Variants in TCF3 observed in about 807,000 individuals in gnomAD.
TCF3 encodes transcription factor E2-alpha.
In TCF3, 54 loss-of-function variants were observed where a neutral mutation model predicts 72.3. The ratio of observed to expected loss-of-function variants is 0.75; its 90% CI spans 0.60 to 0.94. TCF3 has a LOEUF of 0.94. Ranked by LOEUF, TCF3 falls within the 40% of genes least tolerant of loss-of-function variation. TCF3 has a pLI of 0.00. For missense variants in TCF3, 1,078 were observed against 934.4 expected (o/e 1.15, Z -2.00); for synonymous variants, 525 against 412.6 (o/e 1.27, Z -3.30).
At position 1,623,965 on chromosome 19, in the gene TCF3, C is replaced by G. The variant is rs755445704; in HGVS notation, c.535G>C (p.Gly179Arg). Reference sequence around the variant, plus strand: ...GTGCGACTCACCGAGGATGGAAGACCCGGCGGGACCTTCCGGACCTTCTTG... The same window carrying G: ...GTGCGACTCACCGAGGATGGAAGACGCGGCGGGACCTTCCGGACCTTCTTG... The part of the protein sequence containing the change: ...QPKKVRKVPP[G>R]LPSSVYPPSS... The change falls in exon 8 of 19, where the codon GGT (glycine) becomes CGT (arginine). Residue 179 changes from glycine to arginine, a missense_variant. Transcript: ENST00000262965. The G allele has an allele frequency of 6.2e-7, 1 of 1,613,516 alleles. No homozygotes were observed. The highest frequency in any genetic ancestry group is 1.7e-5 in the Admixed American group (1 of 60,012).
chr19:1,637,534 G>A (rs369965816), intron 3 of TCF3, among the ~76,000 whole-genome samples: 8 of 152,178 alleles, frequency 5.3e-5, no homozygotes, highest in East Asian at 3.9e-4. Flanking sequence ...ACCCCATCCC[G>A]CTCTTGCTTC....
chr19:1,638,437 C>A (rs1197847698), intron 3 of TCF3, among the ~76,000 whole-genome samples: 1 of 152,180 alleles, frequency 6.6e-6, no homozygotes, highest in Non-Finnish European at 1.5e-5. Flanking sequence ...CGCCCACCAC[C>A]GCGCCCGGCT....
chr19:1,643,942 T>C lies in TCF3; in HGVS notation c.145+2413A>G, dbSNP rs10413899. 3.7e-3 allele frequency among the ~76,000 whole-genome samples: 564 copies of C among 152,234 alleles called. 3 individuals are homozygous for C. Among genetic ancestry groups the C allele is most frequent in the African/African-American group, 0.013 (524 of 41,534 alleles). On this transcript the variant is annotated intron_variant, in intron 3 of 18. Transcript: ENST00000262965. ...TGGGGTACCCCATCAGCCATCAGCG[T>C]TGGGGACTCCTGGCGAAGGGTGGCG...
At chr19:1,625,508 A>G (rs2146266940) in intron 7 of TCF3, 68 bp downstream of exon 7, 1 of 1,466,908 alleles carries the variant, frequency 6.8e-7, no homozygotes, top group Non-Finnish European at 9.0e-7. Flanking sequence ...AGCTAACGGG[A>G]AGCCTCCTAC....
Position 1,621,937 on chromosome 19 carries a change from C to G in TCF3, c.856G>C (p.Gly286Arg). ...GAGAAGGAGGATGCAGATGGGAGCC[C>G]ACCGTTCACCTCTGCTCCATGCAGC... ...YQLHGAEVNG[G>R]LPSASSFSSA... The change falls in exon 11 of 19, where the codon GGG becomes CGG. Residue 286 changes from glycine to arginine, a missense_variant. Gly to Arg is a moderately radical substitution (Grantham distance 125). Transcript: ENST00000262965. 3 of 1,606,100 alleles carry G rather than the reference C, an allele frequency of 1.9e-6. No individual in the cohort carries two copies. Among genetic ancestry groups the G allele is most frequent in the Non-Finnish European group, 2.5e-6 (3 of 1,177,336 alleles).
chr19:1,649,173 C>T (rs997364430), intron 2 of TCF3, among the ~76,000 whole-genome samples: 2 of 152,254 alleles, frequency 1.3e-5, no homozygotes, highest in Admixed American at 1.3e-4. Context: ...ATAACCGTGG[C>T]AGTCACAATG....
rs748192533 is a variant in TCF3, at chr19:1,619,799, T to A, written c.1148A>T (p.Asp383Val). The A allele has an allele frequency of 1.7e-5, 26 of 1,561,792 alleles. No individual in the cohort carries two copies. In the South Asian group the frequency reaches 3.1e-4, roughly 18 times the overall value. Reference sequence around the variant, plus strand: ...ACTCACCAGGCCGTGGAGACCCCCGTCGTAGCTGGGCGATAAGGCACCGGG... The same window carrying A: ...ACTCACCAGGCCGTGGAGACCCCCGACGTAGCTGGGCGATAAGGCACCGGG... Reference protein sequence around the residue: ...GAPGALSPSYDGGLHGLQSKI... With the variant: ...GAPGALSPSYVGGLHGLQSKI... The change falls in exon 14 of 19, where the codon GAC becomes GTC. Residue 383 changes from aspartate (D) to valine (V), a missense_variant. Coordinates refer to ENST00000262965, the MANE Select transcript of TCF3 (RefSeq NM_003200.5).
chr19:1,639,620 G>A (rs1221925688), intron 3 of TCF3, among the ~76,000 whole-genome samples: 1 of 152,082 alleles, frequency 6.6e-6, no homozygotes, highest in African/African-American at 2.4e-5. Context: ...GAGGAGCTCT[G>A]CGTCCTCCAA....
chr19:1,627,195 G>A (rs1296799209), intron 6 of TCF3, among the ~76,000 whole-genome samples, 164 bp downstream of exon 6: 1 of 152,102 alleles, frequency 6.6e-6, no homozygotes, highest in Non-Finnish European at 1.5e-5. Flanking sequence ...CTCTGCTCCC[G>A]GTCCACACCC....
At chr19:1,636,645 G>A (rs1225623502) in intron 3 of TCF3, among the ~76,000 whole-genome samples, 1 of 152,176 alleles carries the variant, frequency 6.6e-6, no homozygotes, top group African/African-American at 2.4e-5. Flanking sequence ...GATGCCCTCG[G>A]CCCAGCTCGC....
intron 2 of TCF3, among the ~76,000 whole-genome samples, chr19:1,649,257 C>T (rs567082603): frequency 3.3e-4 from 50 of 152,356 alleles, no homozygotes; most frequent in African/African-American, 1.0e-3. Flanking sequence ...GGCCCAAGCT[C>T]GGCTTCTGGC....
At chr19:1,632,985 G>A (rs372674936) in intron 3 of TCF3, among the ~76,000 whole-genome samples, 40 of 152,316 alleles carry the variant, frequency 2.6e-4, no homozygotes, top group South Asian at 1.0e-3. Context: ...CGTGAGGGTG[G>A]AGCCGAATCT....
intron 18 of TCF3, chr19:1,612,103 C>T: frequency 8.2e-7 from 1 of 1,212,888 alleles, no homozygotes; most frequent in Non-Finnish European, 1.1e-6. Flanking sequence ...CAAAGACAGA[C>T]ATGGACAGAG....
chr19:1,619,629 C>T, intron 14 of TCF3, 151 bp downstream of exon 14: 3 of 1,290,618 alleles, frequency 2.3e-6, no homozygotes, highest in Non-Finnish European at 2.1e-6. Context: ...GGAGCACACA[C>T]AAAATGTGTG....
chr19:1,626,867 G>A (rs1414941239), intron 6 of TCF3, among the ~76,000 whole-genome samples: 2 of 152,122 alleles, frequency 1.3e-5, no homozygotes, highest in African/African-American at 4.8e-5. Flanking sequence ...GCTAGGAGCT[G>A]ACGGCGGGGA....
chr19:1,615,216 G>C lies in TCF3; in HGVS notation c.1822+69C>G, dbSNP rs1035602886. On this transcript the variant is annotated intron_variant, in intron 18 of 18. Coordinates refer to ENST00000262965, the MANE Select transcript of TCF3 (RefSeq NM_003200.5). This position sits in a 1 kb window ranked among gnomAD's most constrained non-coding sequence, Gnocchi z 7.3. ...GGCTCCAGGAAGGCGGGCGGGGAAG[G>C]AGAACGAGGGCAGGAACACGAGGGA... 2 of 1,504,360 alleles carry C rather than the reference G, an allele frequency of 1.3e-6. No homozygotes were observed. Among genetic ancestry groups the C allele is most frequent in the Non-Finnish European group, 1.8e-6 (2 of 1,129,348 alleles). 93.2% of individuals were successfully genotyped at this position (1,504,360 alleles called of 1,614,324 possible). A position where few individuals can be genotyped will look rare whatever the true frequency, so the allele number is the denominator to read the frequency against.
chr19:1,632,201 T>G, intron 4 of TCF3, 85 bp from the exon 5 acceptor site: 1 of 1,558,282 alleles, frequency 6.4e-7, no homozygotes, highest in South Asian at 1.2e-5. Context: ...GAGGCAGGAC[T>G]CAAACCCATG....
At chr19:1,624,407 C>A (rs2062630353) in intron 7 of TCF3, among the ~76,000 whole-genome samples, 1 of 152,132 alleles carries the variant, frequency 6.6e-6, no homozygotes, top group Non-Finnish European at 1.5e-5. Flanking sequence ...AACACAACAG[C>A]AGCAGCAGCA....
intron 3 of TCF3, among the ~76,000 whole-genome samples, chr19:1,640,455 C>G (rs2065074105): frequency 6.6e-6 from 1 of 152,158 alleles, no homozygotes; most frequent in Non-Finnish European, 1.5e-5. Flanking sequence ...ATAATTACAC[C>G]TATTTCGCTA....
Sources: allele counts gnomAD v4.1 joint callset (sites outside exome capture counted in the v4.1 genomes callset), GRCh38; gene constraint gnomAD v4.1.1; non-coding constraint Gnocchi (gnomAD v3.1); transcripts MANE v1.5; gene names NCBI Gene and HGNC (gene_info 2026-07-23, HGNC 2026-07-21).